CAPZB: variants seen among roughly 807,000 people sequenced by gnomAD.
CAPZB encodes capping actin protein of muscle Z-line subunit beta, also known as F-actin-capping protein subunit beta.
Under a neutral mutation model 38.1 loss-of-function variants are expected in CAPZB, and 2 were observed. The ratio of observed to expected loss-of-function variants is 0.05; its 90% confidence interval spans 0.02 to 0.17. CAPZB has a LOEUF of 0.17. Among genes scored for constraint, CAPZB ranks in the 10% least tolerant of loss-of-function variants. The pLI is 1.00. For synonymous variants in CAPZB, 107 were observed against 127.4 expected (o/e 0.84, Z 1.08); for missense variants, 161 against 334.2 (o/e 0.48, Z 4.04).
chr1:19,432,355 T>C (rs925930303), intron 1 of CAPZB, among the ~76,000 whole-genome samples: 2 of 152,022 alleles, frequency 1.3e-5, no homozygotes, highest in African/African-American at 4.8e-5. Context: ...GGTATGAGAA[T>C]CACTTGAACC....
intron 2 of CAPZB, among the ~76,000 whole-genome samples, chr1:19,400,541 G>A (rs1307036539): frequency 1.3e-5 from 2 of 152,248 alleles, no homozygotes; most frequent in East Asian, 3.8e-4. Flanking sequence ...CAGCTCTGAG[G>A]AGGGAGTTGT....
chr1:19,385,637 G>T lies in CAPZB; in HGVS notation c.94-11C>A, dbSNP rs2094199993. The T allele has an allele frequency of 1.2e-5, 20 of 1,614,100 alleles. No homozygotes were observed. The highest frequency in any genetic ancestry group is 1.7e-5 in the Non-Finnish European group (20 of 1,180,038). On this transcript the variant is annotated splice_polypyrimidine_tract_variant and intron_variant, in intron 2 of 8. Coordinates refer to ENST00000264202, the MANE Select transcript of CAPZB (RefSeq NM_004930.5). ...ACATAGACTGGGGACCTGGCAGAGA[G>T]AAAGGACAAGGTCGAAACAGAGGTT...
intron 1 of CAPZB, among the ~76,000 whole-genome samples, chr1:19,471,823 T>G (rs1457898099): frequency 1.7e-5 from 2 of 118,172 alleles, no homozygotes; most frequent in African/African-American, 3.3e-5. Context: ...CCGAAATCGC[T>G]CCACTGCACT....
chr1:19,463,766 A>T lies in CAPZB; in HGVS notation c.3+21670T>A, dbSNP rs146229531. The stretch of plus-strand genomic sequence containing the variant: ...ATAAAGACTTCATATGCATCTTCTC[A>T]TCTGGAGGTGAGGCCCTTTCAAAGC... On this transcript the variant is annotated intron_variant, in intron 1 of 8. Coordinates refer to ENST00000264202, the MANE Select transcript of CAPZB (RefSeq NM_004930.5). Among the ~76,000 whole-genome samples, 319 of 152,346 alleles carry T rather than the reference A, an allele frequency of 2.1e-3. 1 individual carries two copies. The highest frequency in any genetic ancestry group is 1.8e-3 in the Non-Finnish European group (120 of 68,038).
intron 4 of CAPZB, among the ~76,000 whole-genome samples, chr1:19,362,096 C>T (rs778877173): frequency 2.6e-5 from 4 of 152,216 alleles, no homozygotes; most frequent in Non-Finnish European, 5.9e-5. Flanking sequence ...CCAGGACTCA[C>T]TACCACAGCT....
At chr1:19,453,546 C>T (rs2094523594) in intron 1 of CAPZB, among the ~76,000 whole-genome samples, 1 of 152,210 alleles carries the variant, frequency 6.6e-6, no homozygotes, top group Non-Finnish European at 1.5e-5. Context: ...CAGGCGTGAG[C>T]CACTGCCCCT....
chr1:19,343,111 C>T (rs546493943), intron 8 of CAPZB, among the ~76,000 whole-genome samples: 80 of 152,290 alleles, frequency 5.3e-4, no homozygotes, highest in African/African-American at 1.9e-3. Context: ...CACTTCCCAG[C>T]CACTGCCTGG....
At chr1:19,461,898 G>A (rs1226471483) in intron 1 of CAPZB, among the ~76,000 whole-genome samples, 1 of 152,200 alleles carries the variant, frequency 6.6e-6, no homozygotes, top group Admixed American at 6.5e-5. Flanking sequence ...ACATTTAAGT[G>A]AGATGATGCA....
Position 19,378,562 on chromosome 1 carries a change from C to T in CAPZB, c.307G>A (p.Ala103Thr), listed in dbSNP as rs1468395067. ...LRKLEVEANN[A>T]FDQYRDLYFE... ...CACAGGTCTCGATACTGGTCAAAGG[C>T]ATTGTTGGCTTCCACCTCCAGCTTT... Residue 103 changes from alanine to threonine, a missense_variant, in exon 4 of 9, where the codon GCC becomes ACC. Ala to Thr is a moderately conservative substitution (Grantham distance 58, BLOSUM62 0). Transcript: ENST00000264202. 1.9e-6 allele frequency: 3 copies of T among 1,607,980 alleles called. No homozygotes were observed. Among genetic ancestry groups the T allele is most frequent in the Non-Finnish European group, 2.6e-6 (3 of 1,174,442 alleles).
chr1:19,383,314 C>T (rs959470038), intron 3 of CAPZB, among the ~76,000 whole-genome samples: 4 of 151,900 alleles, frequency 2.6e-5, no homozygotes, highest in African/African-American at 7.3e-5. Flanking sequence ...GGAGCGATGG[C>T]GTACACCCGT....
intron 1 of CAPZB, among the ~76,000 whole-genome samples, chr1:19,433,964 C>T (rs1303660410): frequency 2.0e-5 from 3 of 152,214 alleles, no homozygotes; most frequent in Non-Finnish European, 4.4e-5. Flanking sequence ...CCTCTGGCTC[C>T]CCTAAATAGA....
chr1:19,468,691 T>C (rs867666841), intron 1 of CAPZB, among the ~76,000 whole-genome samples: 3 of 152,262 alleles, frequency 2.0e-5, no homozygotes, highest in African/African-American at 4.8e-5. Context: ...CCCAGCTGCT[T>C]TGAAAGCTCT....
At chr1:19,373,138 G>C (rs939748904) in intron 4 of CAPZB, among the ~76,000 whole-genome samples, 1 of 152,172 alleles carries the variant, frequency 6.6e-6, no homozygotes, top group Non-Finnish European at 1.5e-5. Context: ...CAGCATGGAA[G>C]GGACCTGGAC....
chr1:19,402,419 C>T (rs1278062057), intron 2 of CAPZB, among the ~76,000 whole-genome samples: 2 of 152,252 alleles, frequency 1.3e-5, no homozygotes, highest in African/African-American at 4.8e-5. Context: ...ACCTGCTGAT[C>T]TCTGTCCCTT....
chr1:19,380,878 G>A (rs1262922099), intron 3 of CAPZB, among the ~76,000 whole-genome samples: 2 of 152,100 alleles, frequency 1.3e-5, no homozygotes, highest in Non-Finnish European at 2.9e-5. Flanking sequence ...ATGTTTTTAA[G>A]AATGAATTTG....
chr1:19,442,789 C>T (rs372519688), intron 1 of CAPZB, among the ~76,000 whole-genome samples: 3 of 152,090 alleles, frequency 2.0e-5, no homozygotes, highest in African/African-American at 7.2e-5. Context: ...GTAAAGATGC[C>T]GCAGGCTCCC....
chr1:19,481,586 C>T (rs1394120070), intron 1 of CAPZB, among the ~76,000 whole-genome samples: 8 of 152,162 alleles, frequency 5.3e-5, no homozygotes, highest in Non-Finnish European at 7.4e-5. Context: ...CTCGGGTACC[C>T]GGGTTGGACA....
chr1:19,472,901 T>C (rs1217014233), intron 1 of CAPZB, among the ~76,000 whole-genome samples: 1 of 151,898 alleles, frequency 6.6e-6, no homozygotes, highest in East Asian at 1.9e-4. Context: ...GTACTTTTAG[T>C]AGAGACGGGA....
At chr1:19,366,511 A>G (rs2100363963) in intron 4 of CAPZB, among the ~76,000 whole-genome samples, 1 of 151,830 alleles carries the variant, frequency 6.6e-6, no homozygotes, top group Admixed American at 6.6e-5. Flanking sequence ...CAGCATGGTG[A>G]ATCCCATTTC....
Sources: gnomAD v4.1 joint callset for allele counts (sites outside exome capture counted in the v4.1 genomes callset) on GRCh38, gnomAD v4.1.1 for gene constraint, MANE v1.5 for transcripts, NCBI Gene and HGNC (gene_info 2026-07-23, HGNC 2026-07-21) for gene names.